The following KIAA0825 variants were observed in gnomAD, a reference collection of about 807,000 sequenced individuals.
The protein encoded by KIAA0825 is uncharacterized protein KIAA0825.
Under a neutral mutation model 147.6 loss-of-function variants are expected in KIAA0825, and 119 were observed. The observed-to-expected ratio is 0.81, with a 90% CI of 0.69 to 0.94. The LOEUF (loss-of-function observed/expected upper bound fraction) is 0.94. KIAA0825 is among the 40% of genes least tolerant of loss of function. The pLI is 0.00. For missense variants in KIAA0825, 1,381 were observed against 1,472.7 expected (o/e 0.94, Z 1.02); for synonymous variants, 470 against 518.1 (o/e 0.91, Z 1.26).
intron 7 of KIAA0825, among the ~76,000 whole-genome samples, chr5:94,474,998 A>G (rs1487968604): frequency 6.6e-6 from 1 of 152,024 alleles, no homozygotes; most frequent in African/African-American, 2.4e-5. Context: ...CTGAGGCAGG[A>G]GAATCGCTGG....
intron 1 of KIAA0825, among the ~76,000 whole-genome samples, chr5:94,587,403 A>G (rs887912094): frequency 6.6e-6 from 1 of 152,196 alleles, no homozygotes. Context: ...CCAAGAACAG[A>G]CAAACAGAGA....
intron 20 of KIAA0825, among the ~76,000 whole-genome samples, chr5:94,348,184 A>C (rs1338022677): frequency 6.6e-6 from 1 of 152,288 alleles, no homozygotes; most frequent in Non-Finnish European, 1.5e-5. Flanking sequence ...AGTGTTCCTG[A>C]GGAAGAAGAG....
chr5:94,560,238 G>T (rs559708084), intron 2 of KIAA0825, among the ~76,000 whole-genome samples: 2 of 152,134 alleles, frequency 1.3e-5, no homozygotes, highest in African/African-American at 4.8e-5. Context: ...GGTTCTGAAG[G>T]CTCTTGTATA....
At chr5:94,337,507 A>G (rs1781940721) in intron 20 of KIAA0825, among the ~76,000 whole-genome samples, 6 of 152,216 alleles carry the variant, frequency 3.9e-5, no homozygotes, top group Admixed American at 3.9e-4. Context: ...TAAAGAGCTT[A>G]TCAAGTTAGT....
intron 5 of KIAA0825, among the ~76,000 whole-genome samples, chr5:94,515,968 CATT>C (rs1485505654): frequency 6.6e-6 from 1 of 151,996 alleles, no homozygotes; most frequent in African/African-American, 2.4e-5. Flanking sequence ...TTTATGTTAA[CATT>C]ATTTCATCAT....
chr5:94,348,343 T>A (rs753878511), intron 20 of KIAA0825, among the ~76,000 whole-genome samples: 5 of 152,212 alleles, frequency 3.3e-5, no homozygotes, highest in Non-Finnish European at 5.9e-5. Context: ...TACACTGTCA[T>A]CAGGTTATCC....
intron 11 of KIAA0825, among the ~76,000 whole-genome samples, chr5:94,462,776 C>T (rs1759994276): frequency 6.6e-6 from 1 of 151,732 alleles, no homozygotes; most frequent in Admixed American, 6.6e-5. Flanking sequence ...ATACCATTAT[C>T]TTTAGGGATG....
chr5:94,274,406 A>G (rs555089163), intron 20 of KIAA0825, among the ~76,000 whole-genome samples: 3 of 152,200 alleles, frequency 2.0e-5, no homozygotes, highest in Non-Finnish European at 4.4e-5. Context: ...TGACATTGTC[A>G]TATAACCACC....
At chr5:94,287,895 C>T (rs766185648) in intron 20 of KIAA0825, among the ~76,000 whole-genome samples, 42 of 152,122 alleles carry the variant, frequency 2.8e-4, no homozygotes, top group Non-Finnish European at 5.1e-4. Context: ...GGGAATCCAT[C>T]GGACATCCTT....
intron 1 of KIAA0825, chr5:94,592,917 G>C: frequency 1.7e-6 from 1 of 573,448 alleles, no homozygotes; most frequent in East Asian, 3.8e-5. Context: ...TAGATGAGGA[G>C]CAAATATTTG....
intron 1 of KIAA0825, among the ~76,000 whole-genome samples, chr5:94,601,882 T>C (rs1786517534): frequency 6.6e-6 from 1 of 151,942 alleles, no homozygotes; most frequent in South Asian, 2.1e-4. Context: ...TTCCGAGAAA[T>C]ATGGGGTTAC....
chr5:94,193,944 A>T (rs1473870663), intron 20 of KIAA0825, among the ~76,000 whole-genome samples: 1 of 152,186 alleles, frequency 6.6e-6, no homozygotes, highest in Admixed American at 6.5e-5. Flanking sequence ...AAGCCAGAGC[A>T]CCCAAAAGCA....
intron 20 of KIAA0825, among the ~76,000 whole-genome samples, chr5:94,218,055 G>A (rs538737242): frequency 7.2e-5 from 11 of 152,070 alleles, no homozygotes; most frequent in Non-Finnish European, 1.2e-4. Flanking sequence ...ACACAAACAC[G>A]TAGGTATTCT....
intron 5 of KIAA0825, among the ~76,000 whole-genome samples, chr5:94,508,253 T>C (rs1328045162): frequency 6.6e-6 from 1 of 152,198 alleles, no homozygotes. Flanking sequence ...ATACACAATA[T>C]TGCACAAAAC....
intron 6 of KIAA0825, among the ~76,000 whole-genome samples, chr5:94,482,329 A>G (rs1024453726): frequency 4.6e-5 from 7 of 152,038 alleles, no homozygotes; most frequent in Non-Finnish European, 1.0e-4. Context: ...TTTTTAAAAA[A>G]TCTGCACAAT....
chr5:94,189,089 G>A (rs548024512), intron 20 of KIAA0825, among the ~76,000 whole-genome samples: 135 of 152,252 alleles, frequency 8.9e-4, no homozygotes, highest in African/African-American at 3.2e-3. Flanking sequence ...TGAAAAGTGT[G>A]TGCTTAAGTA....
chr5:94,527,717 C>T (rs151157759), intron 3 of KIAA0825, among the ~76,000 whole-genome samples: 1 of 152,086 alleles, frequency 6.6e-6, no homozygotes, highest in African/African-American at 2.4e-5. Flanking sequence ...GATTCTGTTA[C>T]ATTTCTGTTC....
At chr5:94,424,555 C>A (rs1220246177) in intron 14 of KIAA0825, among the ~76,000 whole-genome samples, 1 of 151,938 alleles carries the variant, frequency 6.6e-6, no homozygotes, top group Non-Finnish European at 1.5e-5. Context: ...TAAGTGCTTA[C>A]ATGAAAAAAG....
intron 20 of KIAA0825, among the ~76,000 whole-genome samples, chr5:94,352,261 C>T (rs750538049): frequency 1.3e-5 from 2 of 152,080 alleles, no homozygotes; most frequent in African/African-American, 4.8e-5. Context: ...GGGCTAAGGA[C>T]ATAAACAGAC....
Sources: allele counts gnomAD v4.1 joint callset (sites outside exome capture counted in the v4.1 genomes callset), GRCh38; gene constraint gnomAD v4.1.1; transcripts MANE v1.5; gene names NCBI Gene and HGNC (gene_info 2026-07-23, HGNC 2026-07-21).